The following PRUNE2 variants were observed in gnomAD, a reference collection of about 807,000 sequenced individuals.
PRUNE2 encodes the protein prune homolog 2 with BCH domain, also known as protein prune homolog 2.
Under a neutral mutation model 252.0 loss-of-function variants are expected in PRUNE2, and 164 were observed. The observed-to-expected ratio is 0.65, with a 90% CI of 0.57 to 0.74. PRUNE2 has a LOEUF of 0.74. PRUNE2 is among the 30% of genes least tolerant of loss of function. PRUNE2 has a pLI of 0.00. For missense variants in PRUNE2, 3,495 were observed against 3,711.0 expected, an observed-to-expected ratio of 0.94 and a Z score of 1.51; for synonymous variants, 1,292 against 1,350.2, an observed-to-expected ratio of 0.96 and a Z score of 0.94.
In PRUNE2 at chr9:76,695,522, GA is replaced by G. The variant is rs369973831; in HGVS notation, c.8276+7814del. On this transcript the variant is annotated intron_variant, in intron 9 of 18. Coordinates refer to ENST00000376718, the MANE Select transcript of PRUNE2 (RefSeq NM_015225.3). ...ACTGTAATGAACAAGAAAGGCATGG[GA>G]ACACTGAAAATGGGTAACTATGGCC... is the stretch of plus-strand genomic sequence containing the variant. 3.3e-5 allele frequency among the ~76,000 whole-genome samples: 5 copies of G among 152,284 alleles called. No individual in the cohort carries two copies. The East Asian group carries it at 9.7e-4, about 29-fold the overall frequency.
chr9:76,770,890 T>C (rs921600797), intron 6 of PRUNE2, among the ~76,000 whole-genome samples: 3 of 151,970 alleles, frequency 2.0e-5, no homozygotes, highest in Non-Finnish European at 4.4e-5. Flanking sequence ...CGAAAGTAAA[T>C]TTGTGAAGGA....
intron 1 of PRUNE2, among the ~76,000 whole-genome samples, chr9:76,901,354 C>G (rs2063161317): frequency 6.6e-6 from 1 of 152,146 alleles, no homozygotes; most frequent in Non-Finnish European, 1.5e-5. Context: ...TCAAGAGCAC[C>G]TGCCCTGGTT....
At chr9:76,695,225 A>G (rs1441617318) in intron 9 of PRUNE2, among the ~76,000 whole-genome samples, 1 of 152,132 alleles carries the variant, frequency 6.6e-6, no homozygotes, top group East Asian at 1.9e-4. Flanking sequence ...TTTAGAAGAG[A>G]TGGGATTTCA....
intron 1 of PRUNE2, among the ~76,000 whole-genome samples, chr9:76,896,135 G>A (rs1431640612): frequency 3.9e-5 from 6 of 152,092 alleles, no homozygotes; most frequent in African/African-American, 1.2e-4. Flanking sequence ...TTTCCCCATC[G>A]TAAGTCATCA....
chr9:76,647,028 A>G (rs1427399154), intron 11 of PRUNE2, among the ~76,000 whole-genome samples: 3 of 152,118 alleles, frequency 2.0e-5, no homozygotes, highest in Non-Finnish European at 4.4e-5. Context: ...GTCTCTACAA[A>G]AAATACAAAA....
intron 6 of PRUNE2, chr9:76,786,281 A>G (rs901393684): frequency 2.0e-5 from 3 of 152,182 alleles, no homozygotes; most frequent in African/African-American, 7.2e-5. Flanking sequence ...CTCATAGGAG[A>G]GAATATAAGA....
intron 9 of PRUNE2, among the ~76,000 whole-genome samples, chr9:76,681,887 C>T (rs1023725277): frequency 2.0e-5 from 3 of 152,150 alleles, no homozygotes; most frequent in African/African-American, 7.2e-5. Context: ...CTAATCTAGT[C>T]AGGGTGTATC....
chr9:76,837,264 A>G (rs1210969242), intron 4 of PRUNE2, among the ~76,000 whole-genome samples: 6 of 152,032 alleles, frequency 3.9e-5, no homozygotes, highest in Non-Finnish European at 7.4e-5. Context: ...CAACATGGTG[A>G]AACCCCGTCT....
chr9:76,729,732 T>G (rs1263549789), intron 6 of PRUNE2, among the ~76,000 whole-genome samples: 1 of 152,174 alleles, frequency 6.6e-6, no homozygotes, highest in Non-Finnish European at 1.5e-5. Flanking sequence ...AATCTTTTCA[T>G]GTAGAACCAA....
chr9:76,864,656 A>G (rs750698254), intron 1 of PRUNE2, among the ~76,000 whole-genome samples: 3 of 152,212 alleles, frequency 2.0e-5, no homozygotes, highest in Non-Finnish European at 4.4e-5. Context: ...AATATTTCTG[A>G]CACACAAAGG....
At chr9:76,643,727 T>C (rs1207120018) in intron 12 of PRUNE2, among the ~76,000 whole-genome samples, 3 of 152,250 alleles carry the variant, frequency 2.0e-5, no homozygotes, top group Non-Finnish European at 2.9e-5. Context: ...TCAGGTTCCC[T>C]GGGTGGTCCT....
intron 1 of PRUNE2, among the ~76,000 whole-genome samples, chr9:76,880,319 C>T (rs564004922): frequency 6.6e-5 from 10 of 152,250 alleles, no homozygotes; most frequent in East Asian, 3.9e-4. Flanking sequence ...GTCCTCAGAC[C>T]GCAGGGGGGT....
chr9:76,774,450 C>CTTTTTTTATTTATTTATTTTTTT (rs1564272256), intron 6 of PRUNE2, among the ~76,000 whole-genome samples: 1 of 41,402 alleles, frequency 2.4e-5, no homozygotes. Context: ...CAGTTCAACC[C>CTTTTTTTATTTATTTATTTTTTT]TTTTTTTTTT....
At chr9:76,891,607 G>A (rs1564516932) in intron 1 of PRUNE2, among the ~76,000 whole-genome samples, 2 of 152,234 alleles carry the variant, frequency 1.3e-5, no homozygotes, top group African/African-American at 4.8e-5. Flanking sequence ...GCATCAGGAT[G>A]AATAGATTTC....
In PRUNE2 at chr9:76,731,322, ATATTTTT is replaced by A. The variant is rs1437743681; in HGVS notation, c.757-17608_757-17602del. On this transcript the variant is annotated intron_variant, in intron 6 of 18. Transcript: ENST00000376718. ...TCTATCTATCTATCTATATATATAT[ATATTTTT>A]TTTTTTTTTTTGAGACAGGGTATTG... Among the ~76,000 whole-genome samples the A allele has an allele frequency of 2.5e-3, 257 of 101,508 alleles. 4 individuals carry two copies. The highest frequency in any genetic ancestry group is 9.5e-3 in the African/African-American group (225 of 23,630). 66.6% of individuals were successfully genotyped at this position (101,508 alleles called of 152,430 possible). A position where few individuals can be genotyped will look rare whatever the true frequency, so the allele number is the denominator to read the frequency against.
chr9:76,668,225 A>G (rs1373430799), intron 9 of PRUNE2, among the ~76,000 whole-genome samples: 1 of 152,222 alleles, frequency 6.6e-6, no homozygotes, highest in Admixed American at 6.5e-5. Context: ...GATATATGTA[A>G]AAAGATGTTT....
At chr9:76,634,176 G>A (rs1838977401) in intron 15 of PRUNE2, among the ~76,000 whole-genome samples, 1 of 152,040 alleles carries the variant, frequency 6.6e-6, no homozygotes, top group Non-Finnish European at 1.5e-5. Flanking sequence ...ATGAGATAAT[G>A]CAAATAAGCA....
chr9:76,852,794 A>ATCTG (rs200744385), intron 2 of PRUNE2, among the ~76,000 whole-genome samples: 100 of 99,668 alleles, frequency 1.0e-3, no homozygotes, highest in Middle Eastern at 4.6e-3. Context: ...TTATCTAGCC[A>ATCTG]TCTGTCTGTC....
intron 1 of PRUNE2, among the ~76,000 whole-genome samples, chr9:76,872,517 G>A (rs914856101): frequency 6.6e-6 from 1 of 151,160 alleles, no homozygotes; most frequent in African/African-American, 2.4e-5. Context: ...AGTTTCCCAG[G>A]CTGAAAAGTA....
Sources: allele counts gnomAD v4.1 joint callset (sites outside exome capture counted in the v4.1 genomes callset), GRCh38; gene constraint gnomAD v4.1.1; transcripts MANE v1.5; gene names NCBI Gene and HGNC (gene_info 2026-07-23, HGNC 2026-07-21).